The following CENPM variants were observed in gnomAD, a reference collection of about 807,000 sequenced individuals.
The protein encoded by CENPM is interphase centromere complex protein 39.
CENPM carries 14 observed loss-of-function variants against 19.6 expected under a neutral mutation model. The ratio of observed to expected loss-of-function variants is 0.71; its 90% CI spans 0.47 to 1.11. CENPM has a LOEUF of 1.11. CENPM is among the 50% of genes most tolerant of loss of function. CENPM has a pLI of 0.00. For missense variants in CENPM, 239 were observed against 228.4 expected (o/e 1.05, Z -0.30); for synonymous variants, 114 against 101.5 (o/e 1.12, Z -0.74).
At chr22:41,939,729 C>G (rs2077709633) in intron 5 of CENPM, among the ~76,000 whole-genome samples, 1 of 124,034 alleles carries the variant, frequency 8.1e-6, no homozygotes, top group Non-Finnish European at 1.7e-5. Flanking sequence ...CACAGATGTT[C>G]TAGACACGTC....
At chr22:41,930,434 T>C in the CENPM span, among the ~76,000 whole-genome samples, 1 of 151,920 alleles carries the variant, frequency 6.6e-6, no homozygotes. Context: ...GGTTTCACCA[T>C]GCTAGCCAGG....
At position 41,940,556 on chromosome 22, in the gene CENPM, C is replaced by T. The variant is rs189410460; in HGVS notation, c.403-1360G>A. Among the ~76,000 whole-genome samples, 578 of 152,154 alleles carry T rather than the reference C, an allele frequency of 3.8e-3. 2 individuals are homozygous for T. The highest frequency in any genetic ancestry group is 0.012 in the African/African-American group (504 of 41,514). On this transcript the variant is annotated intron_variant, in intron 5 of 5. Coordinates refer to ENST00000215980, the MANE Select transcript of CENPM (RefSeq NM_024053.5). Reference sequence around the variant, plus strand: ...GTGTGCCACCATGCCCAGCTAATTTCTGTATTTTTAGTAAAGACTGGGTTT... The same window carrying T: ...GTGTGCCACCATGCCCAGCTAATTTTTGTATTTTTAGTAAAGACTGGGTTT...
chr22:41,941,170 C>A (rs2077735574), intron 5 of CENPM, among the ~76,000 whole-genome samples: 1 of 152,204 alleles, frequency 6.6e-6, no homozygotes, highest in South Asian at 2.1e-4. Flanking sequence ...CAATCACATA[C>A]CTTCCTGTGT....
chr22:41,946,048 C>T, intron 2 of CENPM, 43 bp from the exon 3 acceptor site: 3 of 1,520,586 alleles, frequency 2.0e-6, no homozygotes, highest in Non-Finnish European at 2.7e-6. Context: ...TCCGTACCCC[C>T]CTCATAGCGA....
rs189490690 is a variant in CENPM, at chr22:41,946,060, C to G, written c.138-55G>C. 5.0e-4 allele frequency: 704 copies of G among 1,421,922 alleles called. 11 individuals carry two copies. The Middle Eastern group carries it at 0.014, about 28-fold the overall frequency. The allele number at this position is 1,421,922 out of a possible 1,614,324, so 88.1% of individuals were successfully genotyped here. A position where few individuals can be genotyped will look rare whatever the true frequency, so the allele number is the denominator to read the frequency against. Reference sequence around the variant, plus strand: ...ATATCCGTACCCCCCTCATAGCGACCGTTTAAATGCTGCCCTTCATGTGGA... The same window carrying G: ...ATATCCGTACCCCCCTCATAGCGACGGTTTAAATGCTGCCCTTCATGTGGA... On this transcript the variant is annotated intron_variant, in intron 2 of 5. Transcript: ENST00000215980.
chr22:41,934,174 G>A (rs1259358064), downstream of CENPM, among the ~76,000 whole-genome samples: 2 of 152,162 alleles, frequency 1.3e-5, no homozygotes, highest in Non-Finnish European at 2.9e-5. Context: ...CAGGAGACAC[G>A]GGGCCCAGGC....
Position 41,945,253 on chromosome 22 carries a change from C to G in CENPM, c.282G>C (p.Leu94Phe). 6.2e-7 allele frequency: 1 copy of G among 1,613,906 alleles called. No individual in the cohort carries two copies. The highest frequency in any genetic ancestry group is 8.5e-7 in the Non-Finnish European group (1 of 1,180,010). Residue 94 changes from leucine (L) to phenylalanine (F), a missense_variant, in exon 4 of 6, where the codon TTG (leucine) becomes TTC (phenylalanine). Physicochemically the swap from Leu to Phe is conservative, Grantham distance 22. Transcript: ENST00000215980. ...CTGTGGCGAGGAAACACACCTTCCC[C>G]AAGAAGAAGCTGGCATCCACATGGC... Reference protein sequence around the residue: ...SLRHVDASFFLGKVCFLATGA... With the variant: ...SLRHVDASFFFGKVCFLATGA...
intron 5 of CENPM, among the ~76,000 whole-genome samples, chr22:41,939,884 A>AAGAAAG (rs2077720851): frequency 1.1e-5 from 1 of 93,440 alleles, no homozygotes; most frequent in African/African-American, 6.3e-5. Flanking sequence ...AAGAAAAAGA[A>AAGAAAG]AGAAAGAAAG....
At chr22:41,930,513 C>A in the CENPM span, among the ~76,000 whole-genome samples, 3 of 150,888 alleles carry the variant, frequency 2.0e-5, no homozygotes, top group African/African-American at 7.3e-5. Context: ...AATTTCTTTT[C>A]TTTTTTTTTG....
chr22:41,944,967 T>A, intron 4 of CENPM: 1 of 1,336,664 alleles, frequency 7.5e-7, no homozygotes, highest in Non-Finnish European at 9.6e-7. Context: ...GGGGTACATG[T>A]GCAGATTTGT....
intron 1 of CENPM, chr22:41,946,697 A>G: frequency 1.7e-6 from 1 of 595,590 alleles, no homozygotes; most frequent in South Asian, 2.0e-5. Context: ...TGGGCACCGC[A>G]CTCTCTACTA....
intron 4 of CENPM, 80 bp from the exon 5 acceptor site, chr22:41,943,781 C>T (rs2077765712): frequency 5.6e-6 from 7 of 1,244,988 alleles, no homozygotes; most frequent in Middle Eastern, 2.0e-4. Context: ...CAGAGTCACT[C>T]ACTTCCCCAC....
At chr22:41,934,950 C>T (rs941778723), downstream of CENPM, among the ~76,000 whole-genome samples, 3 of 152,248 alleles carry the variant, frequency 2.0e-5, no homozygotes, top group South Asian at 2.1e-4. Flanking sequence ...CTCCAGATGG[C>T]GTGAAGCAAC....
chr22:41,934,749 C>G (rs766304432), downstream of CENPM, among the ~76,000 whole-genome samples: 1 of 152,200 alleles, frequency 6.6e-6, no homozygotes, highest in East Asian at 1.9e-4. Context: ...CCTGGCGCCA[C>G]GCTACAGCTG....
chr22:41,940,612 C>A (rs2077730703), intron 5 of CENPM, among the ~76,000 whole-genome samples: 1 of 152,146 alleles, frequency 6.6e-6, no homozygotes, highest in Non-Finnish European at 1.5e-5. Context: ...TCTCAAACTC[C>A]TGACCTCAGG....
intron 5 of CENPM, chr22:41,939,997 T>C: frequency 1.7e-6 from 1 of 590,632 alleles, no homozygotes; most frequent in Non-Finnish European, 3.1e-6. Context: ...AAAACCCAAG[T>C]CAGGCCACAT....
downstream of CENPM, among the ~76,000 whole-genome samples, chr22:41,936,420 G>A (rs1569424485): frequency 6.6e-6 from 1 of 152,250 alleles, no homozygotes; most frequent in African/African-American, 2.4e-5. Flanking sequence ...CTACGTGGCT[G>A]AAGTCCTCAG....
At chr22:41,934,524 G>C (rs1000052048), downstream of CENPM, among the ~76,000 whole-genome samples, 1 of 152,134 alleles carries the variant, frequency 6.6e-6, no homozygotes, top group African/African-American at 2.4e-5. Context: ...GTTCTTGCCC[G>C]CCTTCAACAT....
At chr22:41,944,202 C>T in intron 4 of CENPM, 6 of 931,520 alleles carry the variant, frequency 6.4e-6, no homozygotes, top group Non-Finnish European at 7.7e-6. Flanking sequence ...CCAGCACTAT[C>T]TGAGGCAGGC....
Sources: allele counts gnomAD v4.1 joint callset (sites outside exome capture counted in the v4.1 genomes callset), GRCh38; gene constraint gnomAD v4.1.1; transcripts MANE v1.5; gene names NCBI Gene and HGNC (gene_info 2026-07-23, HGNC 2026-07-21).